OSBPL9: variants seen among roughly 807,000 people sequenced by gnomAD.
OSBPL9 encodes the protein oxysterol-binding protein-related protein 9.
OSBPL9 carries 40 observed loss-of-function variants against 106.6 expected under a neutral mutation model. That is an observed-to-expected ratio of 0.38 (90% confidence interval 0.29 to 0.49). OSBPL9 has a LOEUF of 0.49. Among genes scored for constraint, OSBPL9 ranks in the 20% least tolerant of loss-of-function variants. The probability of loss-of-function intolerance (pLI) is 0.97; values close to 1 mark genes in which losing one functional copy is unlikely to be tolerated. For synonymous variants in OSBPL9, 269 were observed against 295.4 expected, an observed-to-expected ratio of 0.91 and a Z score of 0.92; for missense variants, 609 against 887.2, an observed-to-expected ratio of 0.69 and a Z score of 3.98.
chr1:51,557,066 C>G, the OSBPL9 span, among the ~76,000 whole-genome samples: 3 of 151,902 alleles, frequency 2.0e-5, no homozygotes, highest in Middle Eastern at 3.2e-3. Context: ...CAAAATATCT[C>G]ATGTACCCCA....
intron 4 of OSBPL9, among the ~76,000 whole-genome samples, chr1:51,728,513 G>A (rs1571360412): frequency 6.6e-6 from 1 of 152,250 alleles, no homozygotes; most frequent in East Asian, 1.9e-4. Flanking sequence ...TGCGTATTAG[G>A]GTGGATGATA....
intron 3 of OSBPL9, among the ~76,000 whole-genome samples, chr1:51,687,203 C>T (rs2148817198): frequency 6.6e-6 from 1 of 152,288 alleles, no homozygotes; most frequent in Admixed American, 6.5e-5. Context: ...CTGAGGATGG[C>T]ACAAGGGATA....
chr1:51,558,136 C>T, the OSBPL9 span, among the ~76,000 whole-genome samples: 5 of 152,056 alleles, frequency 3.3e-5, no homozygotes, highest in African/African-American at 1.2e-4. Context: ...AAAAATTAGC[C>T]AGGCGTAGTG....
chr1:51,532,691 T>C, the OSBPL9 span, among the ~76,000 whole-genome samples: 270 of 152,118 alleles, frequency 1.8e-3, 6 homozygotes, highest in East Asian at 0.046. Context: ...AGGGTAGGGA[T>C]CTTGTGAAGC....
At chr1:51,636,152 G>GTTTT (rs35303378) in intron 1 of OSBPL9, among the ~76,000 whole-genome samples, 2 of 64,108 alleles carry the variant, frequency 3.1e-5, no homozygotes, top group Admixed American at 1.7e-4. Flanking sequence ...TCTCTCTCTT[G>GTTTT]TTTTTTTTTT....
chr1:51,746,651 G>A, intron 5 of OSBPL9, 59 bp from the exon 6 acceptor site: 1 of 1,197,730 alleles, frequency 8.3e-7, no homozygotes, highest in Middle Eastern at 1.9e-4. Flanking sequence ...TGTGTTTAGT[G>A]AATGTACATC....
intron 1 of OSBPL9, among the ~76,000 whole-genome samples, chr1:51,628,755 C>T (rs1371956935): frequency 2.1e-5 from 3 of 145,606 alleles, no homozygotes; most frequent in African/African-American, 7.6e-5. Context: ...GTGATCTCGG[C>T]CCACTGCAGC....
chr1:51,746,574 T>A (rs1226101877), intron 5 of OSBPL9, 136 bp from the exon 6 acceptor site: 1 of 625,878 alleles, frequency 1.6e-6, no homozygotes, highest in African/African-American at 1.9e-5. Context: ...AAAATACATG[T>A]TGTCTTGAAA....
intron 1 of OSBPL9, among the ~76,000 whole-genome samples, chr1:51,617,446 T>C (rs751397707): frequency 3.3e-5 from 5 of 151,900 alleles, no homozygotes; most frequent in Non-Finnish European, 7.4e-5. Context: ...GATTTATGGG[T>C]TGGGGGTGAG....
upstream of OSBPL9, among the ~76,000 whole-genome samples, chr1:51,574,875 C>T (rs1645174228): frequency 6.6e-6 from 1 of 152,174 alleles, no homozygotes; most frequent in South Asian, 2.1e-4. Context: ...TCCATTTACC[C>T]TGTTCTGTTT....
At chr1:51,652,934 C>G (rs1646606908) in intron 2 of OSBPL9, among the ~76,000 whole-genome samples, 1 of 152,178 alleles carries the variant, frequency 6.6e-6, no homozygotes, top group South Asian at 2.1e-4. Flanking sequence ...CTGTTGACTT[C>G]TTTCTTCCAC....
intron 9 of OSBPL9, among the ~76,000 whole-genome samples, chr1:51,758,646 T>G (rs1571590434): frequency 6.6e-6 from 1 of 152,186 alleles, no homozygotes; most frequent in African/African-American, 2.4e-5. Context: ...TAAGAACGTT[T>G]CATCTGGAAA....
At chr1:51,710,169 G>A (rs1458020492) in intron 3 of OSBPL9, among the ~76,000 whole-genome samples, 8 of 152,108 alleles carry the variant, frequency 5.3e-5, no homozygotes, top group South Asian at 2.1e-4. Flanking sequence ...AAATCATGAC[G>A]TCATTGTGAG....
chr1:51,687,614 C>T (rs1458522387), intron 3 of OSBPL9, among the ~76,000 whole-genome samples: 1 of 152,088 alleles, frequency 6.6e-6, no homozygotes, highest in African/African-American at 2.4e-5. Context: ...GCAGCACATT[C>T]TAAGCAAAGG....
At chr1:51,543,050 T>C in the OSBPL9 span, among the ~76,000 whole-genome samples, 1 of 152,202 alleles carries the variant, frequency 6.6e-6, no homozygotes, top group Non-Finnish European at 1.5e-5. Context: ...CAGGTGCCTA[T>C]AAGAAACAGG....
intron 1 of OSBPL9, among the ~76,000 whole-genome samples, chr1:51,584,855 A>G (rs1434830024): frequency 1.3e-5 from 2 of 152,196 alleles, no homozygotes; most frequent in African/African-American, 4.8e-5. Context: ...AATCCCTTAA[A>G]TGCCCCTAGC....
intron 11 of OSBPL9, among the ~76,000 whole-genome samples, chr1:51,763,015 T>C (rs192014880): frequency 1.8e-4 from 27 of 152,344 alleles, no homozygotes; most frequent in Non-Finnish European, 2.9e-4. Context: ...CGTTTTGTTT[T>C]TTGTTTTTGA....
chr1:51,772,784 T>C lies in OSBPL9; in HGVS notation c.1170+61T>C, dbSNP rs577180621. 6.5e-6 allele frequency: 7 copies of C among 1,072,818 alleles called. No individual in the cohort carries two copies. The African/African-American group carries it at 1.1e-4, about 17-fold the overall frequency. 66.5% of individuals were successfully genotyped at this position (1,072,818 alleles called of 1,614,324 possible). ...GTATGGATTCTCAGTGATTGCGTGG[T>C]GAGTGTGCCTGCAAATGTAGTAAAA... On this transcript the variant is annotated intron_variant, in intron 14 of 23. Coordinates refer to ENST00000428468, the MANE Select transcript of OSBPL9 (RefSeq NM_024586.6).
At chr1:51,576,692 A>G (rs1645186065), upstream of OSBPL9, among the ~76,000 whole-genome samples, 1 of 151,766 alleles carries the variant, frequency 6.6e-6, no homozygotes, top group Admixed American at 6.6e-5. Flanking sequence ...CACCTGGCTA[A>G]TTTTTTGATT....
Sources: gnomAD v4.1 joint callset for allele counts (sites outside exome capture counted in the v4.1 genomes callset) on GRCh38, gnomAD v4.1.1 for gene constraint, MANE v1.5 for transcripts, NCBI Gene and HGNC (gene_info 2026-07-23, HGNC 2026-07-21) for gene names.